The following CADPS variants were observed in gnomAD, a reference collection of about 807,000 sequenced individuals.
CADPS encodes the protein calcium dependent secretion activator.
In CADPS, 57 loss-of-function variants were observed where a neutral mutation model predicts 167.3. The ratio of observed to expected loss-of-function variants is 0.34; its 90% CI spans 0.28 to 0.42. The LOEUF is 0.42. Ranked by LOEUF, CADPS falls within the 20% of genes least tolerant of loss-of-function variation. The pLI, the probability that CADPS is intolerant of heterozygous loss-of-function variation, is 1.00. For missense variants in CADPS, 1,414 were observed against 1,738.1 expected (o/e 0.81, Z 3.32); for synonymous variants, 676 against 635.3 (o/e 1.06, Z -0.96).
At chr3:62,714,899 T>A (rs543719150) in intron 3 of CADPS, among the ~76,000 whole-genome samples, 2 of 152,282 alleles carry the variant, frequency 1.3e-5, no homozygotes, top group Admixed American at 1.3e-4. Flanking sequence ...TGAAGCTCAT[T>A]CAGAGAACAA....
intron 3 of CADPS, among the ~76,000 whole-genome samples, chr3:62,713,209 G>GT (rs5849496): frequency 0.077 from 11,675 of 152,120 alleles, 607 homozygotes; most frequent in Non-Finnish European, 0.12. Context: ...TTTTGGTTTG[G>GT]TTTTTTTGTT....
At chr3:62,654,336 A>G (rs1486360438) in intron 4 of CADPS, among the ~76,000 whole-genome samples, 1 of 152,170 alleles carries the variant, frequency 6.6e-6, no homozygotes, top group East Asian at 1.9e-4. Flanking sequence ...TAGGTACTGT[A>G]ATGGAAGTAT....
At chr3:62,795,794 A>G (rs376158388) in intron 1 of CADPS, among the ~76,000 whole-genome samples, 30 of 152,226 alleles carry the variant, frequency 2.0e-4, no homozygotes, top group African/African-American at 7.0e-4. Context: ...GCTCCTAACC[A>G]GACTTGGATA....
intron 3 of CADPS, among the ~76,000 whole-genome samples, chr3:62,682,728 T>G (rs969649320): frequency 1.3e-5 from 2 of 152,048 alleles, no homozygotes; most frequent in African/African-American, 4.8e-5. Flanking sequence ...AAATGTTTAT[T>G]AAGCATAGAC....
chr3:62,715,751 A>ATCTTT (rs2084401828), intron 3 of CADPS, among the ~76,000 whole-genome samples: 2 of 86,348 alleles, frequency 2.3e-5, no homozygotes, highest in Admixed American at 1.3e-4. Context: ...ATGATTATAA[A>ATCTTT]TCTTTTTTTT....
At position 62,437,340 on chromosome 3, in the gene CADPS, C is replaced by CTTTTTTT. The variant is rs11295364; in HGVS notation, c.3777+757_3777+763dup. Among the ~76,000 whole-genome samples the CTTTTTTT allele has an allele frequency of 3.4e-4, 44 of 128,206 alleles. 1 individual carries two copies. The highest frequency in any genetic ancestry group is 6.3e-4 in the Admixed American group (8 of 12,608). The allele number at this position is 128,206 out of a possible 152,430, so 84.1% of individuals were successfully genotyped here. A position where few individuals can be genotyped will look rare whatever the true frequency, so the allele number is the denominator to read the frequency against. On this transcript the variant is annotated intron_variant, in intron 28 of 29. Transcript: ENST00000383710. ...GGCAATTTGAGACTGAAGCAGGTTC[C>CTTTTTTT]TTTTTTTTTTTTTTTTTTTCTTTTT...
At chr3:62,496,286 C>A (rs192557885) in intron 18 of CADPS, among the ~76,000 whole-genome samples, 1 of 152,144 alleles carries the variant, frequency 6.6e-6, no homozygotes, top group East Asian at 1.9e-4. Context: ...TACCCATGCT[C>A]AGCACCTCCC....
chr3:62,410,337 C>G (rs2048724437), intron 28 of CADPS, among the ~76,000 whole-genome samples: 1 of 152,166 alleles, frequency 6.6e-6, no homozygotes, highest in Non-Finnish European at 1.5e-5. Flanking sequence ...CATGTTCAAG[C>G]CATCTATATT....
At chr3:62,645,067 A>T (rs1425828569) in intron 6 of CADPS, among the ~76,000 whole-genome samples, 2 of 152,204 alleles carry the variant, frequency 1.3e-5, no homozygotes, top group Non-Finnish European at 1.5e-5. Context: ...TTGCTAATAC[A>T]TTCAGAACTA....
chr3:62,666,206 C>T (rs895354384), intron 3 of CADPS, among the ~76,000 whole-genome samples: 4 of 152,066 alleles, frequency 2.6e-5, no homozygotes, highest in South Asian at 2.1e-4. Flanking sequence ...CTTTAATTAG[C>T]GGGAGTGACC....
intron 6 of CADPS, among the ~76,000 whole-genome samples, chr3:62,641,765 C>T (rs2067465166): frequency 6.6e-6 from 1 of 152,128 alleles, no homozygotes; most frequent in Non-Finnish European, 1.5e-5. Context: ...AGGATATAGT[C>T]TGCTTGGAAA....
intron 3 of CADPS, among the ~76,000 whole-genome samples, chr3:62,713,685 G>T (rs1358916416): frequency 6.6e-6 from 1 of 152,158 alleles, no homozygotes; most frequent in African/African-American, 2.4e-5. Context: ...ATTCTTTTCT[G>T]GGTGAAGCCA....
intron 17 of CADPS, among the ~76,000 whole-genome samples, chr3:62,501,031 G>GCC (rs2065686269): frequency 6.6e-6 from 1 of 152,184 alleles, no homozygotes; most frequent in African/African-American, 2.4e-5. Flanking sequence ...GTGAAAATGG[G>GCC]CTTCCTGGAT....
At chr3:62,573,926 ATAGACATTTGTTATAGTTCAGT>A (rs1375700659) in intron 8 of CADPS, among the ~76,000 whole-genome samples, 2 of 152,226 alleles carry the variant, frequency 1.3e-5, no homozygotes, top group Non-Finnish European at 2.9e-5. Context: ...TAACTGGTCA[ATAGACATTTGTTATAGTTCAGT>A]TGGTTTTAAG....
chr3:62,610,979 G>C (rs1216257735), intron 6 of CADPS, among the ~76,000 whole-genome samples: 1 of 152,038 alleles, frequency 6.6e-6, no homozygotes, highest in Non-Finnish European at 1.5e-5. Context: ...GGAGAGAGTA[G>C]GACTACTACT....
At chr3:62,525,660 C>T (rs1419193162) in intron 13 of CADPS, among the ~76,000 whole-genome samples, 2 of 139,626 alleles carry the variant, frequency 1.4e-5, no homozygotes, top group Admixed American at 1.4e-4. Context: ...GGTTGAGAAG[C>T]ACCGGATGTA....
intron 6 of CADPS, among the ~76,000 whole-genome samples, chr3:62,641,999 T>A (rs180770746): frequency 6.6e-6 from 1 of 151,718 alleles, no homozygotes; most frequent in African/African-American, 2.4e-5. Context: ...ATGGCACTGA[T>A]AAAAGGAGGT....
chr3:62,426,803 C>A (rs376177866), intron 28 of CADPS, among the ~76,000 whole-genome samples: 1 of 151,570 alleles, frequency 6.6e-6, no homozygotes, highest in Non-Finnish European at 1.5e-5. Flanking sequence ...CATGGTGGCT[C>A]ACTCCTGTAA....
chr3:62,465,340 C>T lies in CADPS; in HGVS notation c.3636+27G>A, dbSNP rs1485048063. The T allele has an allele frequency of 6.5e-7, 1 of 1,538,054 alleles. No individual in the cohort carries two copies. The highest frequency in any genetic ancestry group is 2.0e-5 in the Admixed American group (1 of 49,164). On this transcript the variant is annotated intron_variant, in intron 26 of 29. Coordinates refer to ENST00000383710, the MANE Select transcript of CADPS (RefSeq NM_003716.4). The surrounding 1 kb of genome is among the most constrained non-coding windows in gnomAD (Gnocchi z 4.1). Reference sequence around the variant, plus strand: ...CGAAACCAAAAATTAAAACAAAAGCCAGGAAATAAAGAAGCTCTTTACTTA... The same window carrying T: ...CGAAACCAAAAATTAAAACAAAAGCTAGGAAATAAAGAAGCTCTTTACTTA...
Sources: allele counts gnomAD v4.1 joint callset (sites outside exome capture counted in the v4.1 genomes callset), GRCh38; gene constraint gnomAD v4.1.1; non-coding constraint Gnocchi (gnomAD v3.1); transcripts MANE v1.5; gene names NCBI Gene and HGNC (gene_info 2026-07-23, HGNC 2026-07-21).